PTPRD: variants seen among roughly 807,000 people sequenced by gnomAD.
PTPRD encodes receptor-type tyrosine-protein phosphatase delta.
Under a neutral mutation model 214.5 loss-of-function variants are expected in PTPRD, and 34 were observed. The ratio of observed to expected loss-of-function variants is 0.16; its 90% CI spans 0.12 to 0.21. PTPRD has a LOEUF of 0.21. Among genes scored for constraint, PTPRD ranks in the 10% least tolerant of loss-of-function variants. PTPRD has a pLI of 1.00. For missense variants in PTPRD, 2,545 were observed against 2,398.7 expected (o/e 1.06, Z -1.27); for synonymous variants, 1,128 against 845.7 (o/e 1.33, Z -5.79).
chr9:9,083,267 G>C (rs1231832776), intron 10 of PTPRD, among the ~76,000 whole-genome samples: 4 of 151,948 alleles, frequency 2.6e-5, no homozygotes, highest in Non-Finnish European at 4.4e-5. Context: ...AACCATCTGA[G>C]CTTTGACAAA....
chr9:10,459,312 G>A (rs1208227079), intron 2 of PTPRD, among the ~76,000 whole-genome samples: 3 of 152,046 alleles, frequency 2.0e-5, no homozygotes, highest in East Asian at 1.9e-4. Context: ...TGGGCATTTG[G>A]GTTTGTTCTG....
Position 8,643,596 on chromosome 9 carries a change from C to A in PTPRD, c.65-6752G>T, listed in dbSNP as rs566619842. On this transcript the variant is annotated intron_variant, in intron 12 of 45. Coordinates refer to ENST00000381196, the MANE Select transcript of PTPRD (RefSeq NM_002839.4). ...GGGAATAGGGGACCCACCACCACCA[C>A]TGCTGCCTCTGCAGCCACTCCTGCC... 5.9e-5 allele frequency among the ~76,000 whole-genome samples: 9 copies of A among 152,306 alleles called. No homozygotes were observed. In the East Asian group the frequency reaches 1.7e-3, roughly 29 times the overall value.
At chr9:9,437,585 G>C (rs923256268) in intron 8 of PTPRD, among the ~76,000 whole-genome samples, 21 of 151,966 alleles carry the variant, frequency 1.4e-4, no homozygotes, top group Non-Finnish European at 8.8e-5. Context: ...TTCCATCTTG[G>C]GAATTAGACT....
Position 8,675,307 on chromosome 9 carries a change from A to T in PTPRD, c.65-38463T>A, listed in dbSNP as rs544886671. On this transcript the variant is annotated intron_variant, in intron 12 of 45. Transcript: ENST00000381196. The stretch of plus-strand genomic sequence containing the variant: ...GTACCTATTTTATGGAATTGCTATG[A>T]AATGGAAATACAAAGGTTTTATCAC... Among the ~76,000 whole-genome samples the T allele has an allele frequency of 7.4e-4, 112 of 152,156 alleles. 1 individual carries two copies. The highest frequency in any genetic ancestry group is 2.6e-3 in the African/African-American group (109 of 41,496).
At chr9:9,773,634 T>C (rs909020140) in intron 5 of PTPRD, among the ~76,000 whole-genome samples, 7 of 152,190 alleles carry the variant, frequency 4.6e-5, no homozygotes, top group Non-Finnish European at 8.8e-5. Context: ...CTAAGCCTTG[T>C]TGTACCATGA....
At chr9:9,460,938 G>C (rs544577325) in intron 8 of PTPRD, among the ~76,000 whole-genome samples, 101 of 152,080 alleles carry the variant, frequency 6.6e-4, no homozygotes, top group African/African-American at 2.4e-3. Context: ...TCCGTCAGTG[G>C]TTGACTGGAT....
intron 8 of PTPRD, among the ~76,000 whole-genome samples, chr9:9,560,293 G>C (rs940676276): frequency 3.3e-5 from 5 of 152,166 alleles, no homozygotes; most frequent in Admixed American, 3.3e-4. Context: ...AGCTTCTCAT[G>C]CTCTATTTTC....
At chr9:8,533,676 CAAT>C (rs1380217631) in intron 14 of PTPRD, among the ~76,000 whole-genome samples, 1 of 151,904 alleles carries the variant, frequency 6.6e-6, no homozygotes, top group Non-Finnish European at 1.5e-5. Context: ...ATAGTGTTAT[CAAT>C]AAACCGTAAT....
chr9:9,699,060 T>C (rs960111819), intron 7 of PTPRD, among the ~76,000 whole-genome samples: 1 of 152,212 alleles, frequency 6.6e-6, no homozygotes, highest in Admixed American at 6.5e-5. Flanking sequence ...CTTCTACTCA[T>C]GTTTATTGAC....
chr9:9,828,091 T>C (rs143051068), intron 5 of PTPRD, among the ~76,000 whole-genome samples: 3 of 152,238 alleles, frequency 2.0e-5, no homozygotes, highest in African/African-American at 7.2e-5. Flanking sequence ...TGGAAGTCAG[T>C]GTGGCGATTC....
chr9:9,483,086 A>G (rs2095485181), intron 8 of PTPRD, among the ~76,000 whole-genome samples: 1 of 152,164 alleles, frequency 6.6e-6, no homozygotes, highest in Non-Finnish European at 1.5e-5. Context: ...ATGCTTTCTA[A>G]TATATTGATA....
At chr9:10,306,865 T>A (rs1307924583) in intron 3 of PTPRD, among the ~76,000 whole-genome samples, 1 of 152,136 alleles carries the variant, frequency 6.6e-6, no homozygotes, top group Admixed American at 6.6e-5. Context: ...CTATTATTCA[T>A]TTTTCTCTTA....
intron 9 of PTPRD, among the ~76,000 whole-genome samples, chr9:9,365,680 C>T (rs1158498538): frequency 6.6e-6 from 1 of 151,370 alleles, no homozygotes; most frequent in Non-Finnish European, 1.5e-5. Context: ...ATTAAATGGG[C>T]TTAAATAGAC....
At chr9:10,497,773 G>T (rs1473359012) in intron 2 of PTPRD, among the ~76,000 whole-genome samples, 2 of 151,904 alleles carry the variant, frequency 1.3e-5, no homozygotes, top group African/African-American at 2.4e-5. Context: ...ACGAATGAAA[G>T]ATTTGCTATT....
intron 44 of PTPRD, among the ~76,000 whole-genome samples, chr9:8,329,563 C>T (rs888196072): frequency 6.6e-6 from 1 of 152,140 alleles, no homozygotes. Flanking sequence ...AAATGCTGCG[C>T]TCATCAGAGC....
At chr9:9,778,694 G>C (rs890483125) in intron 5 of PTPRD, among the ~76,000 whole-genome samples, 3 of 152,058 alleles carry the variant, frequency 2.0e-5, no homozygotes, top group Non-Finnish European at 4.4e-5. Flanking sequence ...AATGCTCTAC[G>C]TTCATACACT....
chr9:10,229,143 C>T (rs2099599360), intron 3 of PTPRD, among the ~76,000 whole-genome samples: 3 of 152,078 alleles, frequency 2.0e-5, no homozygotes, highest in African/African-American at 7.2e-5. Flanking sequence ...AAATCAAAAC[C>T]ACAATGAGAT....
At position 9,814,412 on chromosome 9, in the gene PTPRD, C is replaced by T. The variant is rs554000062; in HGVS notation, c.-367-47561G>A. On this transcript the variant is annotated intron_variant, in intron 5 of 45. Transcript: ENST00000381196. The stretch of plus-strand genomic sequence containing the variant: ...AACCCTCAACCCCCCACTATAAAAC[C>T]GTTAGAATAAATGATTTCAGTAAAG... 3.3e-5 allele frequency among the ~76,000 whole-genome samples: 5 copies of T among 151,310 alleles called. No homozygotes were observed. In the South Asian group the frequency reaches 6.3e-4, roughly 19 times the overall value.
At position 10,518,851 on chromosome 9, in the gene PTPRD, T is replaced by A. The variant is rs550029780; in HGVS notation, c.-600+93547A>T. On this transcript the variant is annotated intron_variant, in intron 2 of 45. Coordinates refer to ENST00000381196, the MANE Select transcript of PTPRD (RefSeq NM_002839.4). ...TCAGCCTTACATTGTTTTTTTTTTT[T>A]AAATAATAATTGAAATTGTTTTAAC... Among the ~76,000 whole-genome samples, 741 of 152,060 alleles carry A rather than the reference T, an allele frequency of 4.9e-3. 3 individuals are homozygous for A. Among genetic ancestry groups the A allele is most frequent in the Non-Finnish European group, 8.5e-3 (581 of 67,960 alleles).
Sources: gnomAD v4.1 joint callset for allele counts (sites outside exome capture counted in the v4.1 genomes callset) on GRCh38, gnomAD v4.1.1 for gene constraint, MANE v1.5 for transcripts, NCBI Gene and HGNC (gene_info 2026-07-23, HGNC 2026-07-21) for gene names.